UTP20: variants seen among roughly 807,000 people sequenced by gnomAD.
UTP20 encodes the protein small subunit processome component 20 homolog.
A neutral mutation model predicts 329.5 loss-of-function variants in UTP20; 164 were observed. The ratio of observed to expected loss-of-function variants is 0.50; its 90% confidence interval spans 0.44 to 0.57. UTP20 has a LOEUF of 0.57. Ranked by LOEUF, UTP20 falls within the 20% of genes least tolerant of loss-of-function variation. The pLI is 0.00. For synonymous variants in UTP20, 1,151 were observed against 1,159.3 expected (o/e 0.99, Z 0.14); for missense variants, 3,055 against 3,284.2 (o/e 0.93, Z 1.71).
chr12:101,353,731 T>A (rs986179470), intron 40 of UTP20, among the ~76,000 whole-genome samples: 1 of 152,086 alleles, frequency 6.6e-6, no homozygotes, highest in African/African-American at 2.4e-5. Flanking sequence ...TAAAATAAAA[T>A]TTTTAAACAT....
At chr12:101,292,888 A>G (rs762839517) in intron 10 of UTP20, among the ~76,000 whole-genome samples, 2 of 152,246 alleles carry the variant, frequency 1.3e-5, no homozygotes, top group Non-Finnish European at 2.9e-5. Context: ...TTCTAGCTTA[A>G]TGGAGCACAG....
chr12:101,373,135 C>T (rs1289017546), intron 52 of UTP20, among the ~76,000 whole-genome samples, 172 bp downstream of exon 52: 2 of 152,122 alleles, frequency 1.3e-5, no homozygotes, highest in Non-Finnish European at 2.9e-5. Flanking sequence ...TTCATATAGC[C>T]GTTCTCTGAG....
rs1358491318 is a variant in UTP20, at chr12:101,380,386, AAAAG to A, written c.7585-742_7585-739del. On this transcript the variant is annotated intron_variant, in intron 57 of 61. Transcript: ENST00000261637. ...ACCGAGATCTTATCTCAAAAAAACA[AAAAG>A]AAAGAAAGAAAAGAAAAGAAAATGT... Among the ~76,000 whole-genome samples the A allele has an allele frequency of 1.8e-4, 27 of 148,180 alleles. No homozygotes were observed. The East Asian group carries it at 2.3e-3, about 13-fold the overall frequency.
chr12:101,291,650 G>T, intron 8 of UTP20, 92 bp from the exon 9 acceptor site: 1 of 1,322,698 alleles, frequency 7.6e-7, no homozygotes, highest in Non-Finnish European at 9.9e-7. Context: ...GCAAGAGAAT[G>T]GGAAAAGTTG....
chr12:101,353,149 T>C lies in UTP20; in HGVS notation c.5107+20T>C. ...AAGAAAGTAAGTTTCTTAAACTTTC[T>C]TAAACAAGATTTTCATCTTATTCTT... On this transcript the variant is annotated intron_variant, in intron 40 of 61. Coordinates refer to ENST00000261637, the MANE Select transcript of UTP20 (RefSeq NM_014503.3). 6.6e-7 allele frequency: 1 copy of C among 1,511,614 alleles called. No homozygotes were observed. Among genetic ancestry groups the C allele is most frequent in the South Asian group, 1.2e-5 (1 of 85,648 alleles). The allele number at this position is 1,511,614 out of a possible 1,614,324, so 93.6% of individuals were successfully genotyped here.
chr12:101,300,096 T>G (rs758753088), intron 14 of UTP20, 35 bp downstream of exon 14: 5 of 1,584,648 alleles, frequency 3.2e-6, no homozygotes, highest in African/African-American at 2.7e-5. Context: ...TCTTCTCTTC[T>G]TTTCTGGCAC....
rs552926491 is a variant in UTP20, at chr12:101,362,558, G to A, written c.5790+498G>A. On this transcript the variant is annotated intron_variant, in intron 44 of 61. Coordinates refer to ENST00000261637, the MANE Select transcript of UTP20 (RefSeq NM_014503.3). ...GTCTCTAAGAAAAATACAAAAACTAGCCAGGCATGGTGATGCGCACCTGTA... is the reference window on the plus strand; with the variant it reads ...GTCTCTAAGAAAAATACAAAAACTAACCAGGCATGGTGATGCGCACCTGTA... Among the ~76,000 whole-genome samples the A allele has an allele frequency of 8.3e-4, 85 of 102,686 alleles. 31 individuals carry two copies. The African/African-American group carries it at 0.011, about 13-fold the overall frequency. 67.4% of individuals were successfully genotyped at this position (102,686 alleles called of 152,430 possible).
rs538717429 is a variant in UTP20 at position 101,369,966 on chromosome 12, C to T, written c.6555+75C>T. ...CAATAGCTCGTACCTATAATCCCAG[C>T]ACTTTGGGAGGCTGAGGTGGGAGGA... On this transcript the variant is annotated intron_variant, in intron 49 of 61. Transcript: ENST00000261637. 15 of 1,451,142 alleles carry T rather than the reference C, an allele frequency of 1.0e-5. No homozygotes were observed. The South Asian group carries it at 1.8e-4, about 17-fold the overall frequency. 89.9% of individuals were successfully genotyped at this position (1,451,142 alleles called of 1,614,324 possible).
At chr12:101,309,550 G>A (rs761489327) in intron 18 of UTP20, among the ~76,000 whole-genome samples, 5 of 152,282 alleles carry the variant, frequency 3.3e-5, no homozygotes, top group African/African-American at 1.2e-4. Flanking sequence ...TTGCTGTAGC[G>A]ATTCTTCTAT....
In UTP20 at chr12:101,345,725, C is replaced by T. The variant is rs754467540; in HGVS notation, c.4746+31C>T. 2.3e-5 allele frequency: 37 copies of T among 1,584,324 alleles called. 1 individual carries two copies. The highest frequency in any genetic ancestry group is 2.0e-4 in the Admixed American group (11 of 53,954). On this transcript the variant is annotated intron_variant, in intron 37 of 61. Coordinates refer to ENST00000261637, the MANE Select transcript of UTP20 (RefSeq NM_014503.3). Reference sequence around the variant, plus strand: ...AGACAATTCTGCTTTTTCCTACCTACGACATAAGCATACATATTTCAAACA... The same window carrying T: ...AGACAATTCTGCTTTTTCCTACCTATGACATAAGCATACATATTTCAAACA...
rs1220737843 is a variant in UTP20 at position 101,355,063 on chromosome 12, A to C, written c.5339A>C (p.Gln1780Pro). The C allele has an allele frequency of 2.5e-6, 4 of 1,614,192 alleles. No individual in the cohort carries two copies. Among genetic ancestry groups the C allele is most frequent in the Non-Finnish European group, 2.5e-6 (3 of 1,180,018 alleles). Residue 1780 changes from glutamine (Q) to proline (P), a missense_variant, in exon 41 of 62, where the codon CAA (glutamine) becomes CCA (proline). Around this residue, in one of 3 missense-constraint regions of UTP20, gnomAD observed 2,445 missense variants for 2,575.5 expected, o/e 0.95. Transcript: ENST00000261637. Reference sequence around the variant, plus strand: ...ATAGAGAGAACAATTAAAAATATCCAAGGAACCATAACCGGGGATATTCTC... The same window carrying C: ...ATAGAGAGAACAATTAAAAATATCCCAGGAACCATAACCGGGGATATTCTC... Reference protein sequence around the residue: ...EEIERTIKNIQGTITGDILPR... With the variant: ...EEIERTIKNIPGTITGDILPR...
chr12:101,346,605 A>G lies in UTP20; in HGVS notation c.4884+17A>G, dbSNP rs1565800280. 1 of 1,566,022 alleles carries G rather than the reference A, an allele frequency of 6.4e-7. No individual in the cohort carries two copies. Among genetic ancestry groups the G allele is most frequent in the East Asian group, 2.3e-5 (1 of 43,798 alleles). ...ATGCTCAAGGTAGGTCATTAGATCT[A>G]GAAACCAAGGACCCTCTTCCCATAC... On this transcript the variant is annotated intron_variant, in intron 38 of 61. Transcript: ENST00000261637.
chr12:101,327,685 T>A (rs1868613427), intron 26 of UTP20, among the ~76,000 whole-genome samples: 1 of 152,198 alleles, frequency 6.6e-6, no homozygotes, highest in Non-Finnish European at 1.5e-5. Flanking sequence ...TCTGTTAAGT[T>A]AAAAATAGAA....
At chr12:101,343,392 A>C (rs1869213066) in intron 35 of UTP20, among the ~76,000 whole-genome samples, 1 of 152,234 alleles carries the variant, frequency 6.6e-6, no homozygotes, top group African/African-American at 2.4e-5. Context: ...AGGCTGCAGA[A>C]AGGGAGGAAT....
chr12:101,329,988 C>A, intron 27 of UTP20, among the ~76,000 whole-genome samples: 1 of 147,654 alleles, frequency 6.8e-6, no homozygotes. Context: ...GAGTGAGACT[C>A]TGCCTCTTAA....
chr12:101,310,577 C>CAAAAAAAAAAAAAAAAAA lies in UTP20; in HGVS notation c.2231+742_2231+759dup, dbSNP rs549641642. 1.7e-3 allele frequency among the ~76,000 whole-genome samples: 76 copies of CAAAAAAAAAAAAAAAAAA among 44,356 alleles called. 4 individuals are homozygous for CAAAAAAAAAAAAAAAAAA. The highest frequency in any genetic ancestry group is 3.7e-3 in the African/African-American group (34 of 9,136). The allele number at this position is 44,356 out of a possible 152,430, so 29.1% of individuals were successfully genotyped here. The stretch of plus-strand genomic sequence containing the variant: ...GCAACAAGAGTGAAACTCTGTCTCC[C>CAAAAAAAAAAAAAAAAAA]AAAAAAAAAAAAAAAAAAAAATACA... On this transcript the variant is annotated intron_variant, in intron 19 of 61. Coordinates refer to ENST00000261637, the MANE Select transcript of UTP20 (RefSeq NM_014503.3).
intron 21 of UTP20, among the ~76,000 whole-genome samples, chr12:101,312,986 G>A (rs1872843354): frequency 6.6e-6 from 1 of 152,156 alleles, no homozygotes; most frequent in Non-Finnish European, 1.5e-5. Flanking sequence ...TTATTTTATT[G>A]CCTGCCTGGG....
chr12:101,291,037 C>T (rs1593418432), intron 8 of UTP20, 149 bp downstream of exon 8: 1 of 727,276 alleles, frequency 1.4e-6, no homozygotes, highest in South Asian at 3.3e-5. Flanking sequence ...TTCCTTCCCT[C>T]TGCCCCCCTG....
At position 101,300,067 on chromosome 12, in the gene UTP20, T is replaced by C; in HGVS notation, c.1675+6T>C. ...CAAAGGAAGCTTTGGGAAAGGTCAG[T>C]TACAATCATCATGTGTTCTCTTCTC... On this transcript the variant is annotated splice_donor_region_variant and intron_variant, in intron 14 of 61. Transcript: ENST00000261637. 2.5e-6 allele frequency: 4 copies of C among 1,613,164 alleles called. No individual in the cohort carries two copies. The highest frequency in any genetic ancestry group is 2.5e-6 in the Non-Finnish European group (3 of 1,179,096).
Sources: gnomAD v4.1 joint callset for allele counts (sites outside exome capture counted in the v4.1 genomes callset) on GRCh38, gnomAD v4.1.1 for gene constraint, gnomAD v4.1.1 regional missense constraint, MANE v1.5 for transcripts, NCBI Gene and HGNC (gene_info 2026-07-23, HGNC 2026-07-21) for gene names.